DNAH8: variants seen among roughly 807,000 people sequenced by gnomAD.
The protein encoded by DNAH8 is dynein axonemal heavy chain 8.
A neutral mutation model predicts 562.1 loss-of-function variants in DNAH8; 382 were observed. The observed-to-expected ratio is 0.68, with a 90% confidence interval of 0.63 to 0.74. The LOEUF is 0.74. DNAH8 is among the 30% of genes least tolerant of loss of function. The probability of loss-of-function intolerance (pLI) is 0.00; values close to 1 mark genes in which losing one functional copy is unlikely to be tolerated. For missense variants in DNAH8, 5,203 were observed against 5,620.4 expected, an observed-to-expected ratio of 0.93 and a Z score of 2.37; for synonymous variants, 1,881 against 1,919.4, an observed-to-expected ratio of 0.98 and a Z score of 0.52.
At chr6:38,762,811 T>A (rs1414030836) in intron 11 of DNAH8, 2 of 179,408 alleles carry the variant, frequency 1.1e-5, no homozygotes, top group African/African-American at 4.8e-5. Context: ...CCACCCAGGA[T>A]GGGAACCATT....
At chr6:38,960,211 TA>T (rs1419128773) in intron 82 of DNAH8, among the ~76,000 whole-genome samples, 1 of 151,952 alleles carries the variant, frequency 6.6e-6, no homozygotes, top group African/African-American at 2.4e-5. Flanking sequence ...TCTGGGCAAA[TA>T]TTTTTTTGTG....
At chr6:38,888,774 T>C (rs1779134259) in intron 57 of DNAH8, among the ~76,000 whole-genome samples, 1 of 152,234 alleles carries the variant, frequency 6.6e-6, no homozygotes, top group Non-Finnish European at 1.5e-5. Context: ...GAGACTCTCA[T>C]TGCCTGCTGG....
At chr6:38,993,442 G>GT (rs138077994) in intron 88 of DNAH8, among the ~76,000 whole-genome samples, 60,401 of 151,786 alleles carry the variant, frequency 0.4, 12,431 homozygotes, top group Non-Finnish European at 0.45. Context: ...ACATTTAAGG[G>GT]TTTTTTTCCC....
At position 38,845,562 on chromosome 6, in the gene DNAH8, T is replaced by C. The variant is rs1198610059; in HGVS notation, c.4846-12T>C. On this transcript the variant is annotated splice_polypyrimidine_tract_variant and intron_variant, in intron 35 of 92. Coordinates refer to ENST00000327475, the MANE Select transcript of DNAH8 (RefSeq NM_001206927.2). Reference sequence around the variant, plus strand: ...AAAACATCATGACATATACTTTGCTTTTCCTTCAAAGGATATTTGCATATC... The same window carrying C: ...AAAACATCATGACATATACTTTGCTCTTCCTTCAAAGGATATTTGCATATC... 1 of 1,608,894 alleles carries C rather than the reference T, an allele frequency of 6.2e-7. No homozygotes were observed. Among genetic ancestry groups the C allele is most frequent in the Non-Finnish European group, 8.5e-7 (1 of 1,175,430 alleles).
intron 53 of DNAH8, among the ~76,000 whole-genome samples, chr6:38,881,088 C>G (rs1041227124): frequency 7.3e-5 from 11 of 151,310 alleles, no homozygotes; most frequent in Admixed American, 7.3e-4. Context: ...GGAATGTCTA[C>G]AGTTAAAAAG....
chr6:38,888,329 G>A (rs1779101359), intron 57 of DNAH8, among the ~76,000 whole-genome samples: 1 of 152,036 alleles, frequency 6.6e-6, no homozygotes, highest in Non-Finnish European at 1.5e-5. Flanking sequence ...TGACCTCTGA[G>A]TAGGAAAGGA....
At chr6:38,770,349 G>A in intron 11 of DNAH8, 64 bp from the exon 12 acceptor site, 1 of 1,136,504 alleles carries the variant, frequency 8.8e-7, no homozygotes, top group Non-Finnish European at 1.2e-6. Flanking sequence ...TAGAGTTTTT[G>A]AATTTTCGAT....
At chr6:38,748,355 G>T (rs1765133692) in intron 8 of DNAH8, among the ~76,000 whole-genome samples, 1 of 152,160 alleles carries the variant, frequency 6.6e-6, no homozygotes, top group Admixed American at 6.5e-5. Flanking sequence ...TATATTGGAT[G>T]ACAATGTAAA....
At chr6:38,786,682 A>G in intron 17 of DNAH8, 83 bp from the exon 18 acceptor site, 1 of 1,402,098 alleles carries the variant, frequency 7.1e-7, no homozygotes, top group Non-Finnish European at 9.7e-7. Flanking sequence ...TTAGTAATCC[A>G]GGGGGCAAGA....
intron 29 of DNAH8, among the ~76,000 whole-genome samples, chr6:38,826,679 A>C (rs943514769): frequency 3.3e-5 from 5 of 152,196 alleles, no homozygotes; most frequent in African/African-American, 1.2e-4. Context: ...TTGTGGAAAG[A>C]AATAATTGTC....
intron 15 of DNAH8, 151 bp downstream of exon 15, chr6:38,780,216 C>G: frequency 1.3e-6 from 1 of 745,504 alleles, no homozygotes; most frequent in Non-Finnish European, 2.2e-6. Context: ...TGGGAAGGTG[C>G]TTGACAGTGT....
chr6:38,982,713 C>G (rs999098070), intron 86 of DNAH8, among the ~76,000 whole-genome samples: 4 of 152,184 alleles, frequency 2.6e-5, no homozygotes, highest in Admixed American at 2.6e-4. Flanking sequence ...ACTCAGGGAC[C>G]ACAGTGCACT....
intron 88 of DNAH8, among the ~76,000 whole-genome samples, chr6:39,005,236 A>G (rs1700402085): frequency 6.6e-6 from 1 of 151,698 alleles, no homozygotes; most frequent in African/African-American, 2.4e-5. Context: ...AAATGGTGAA[A>G]CCCCCTCTCT....
At chr6:38,738,115 G>A in intron 7 of DNAH8, 143 bp downstream of exon 7, 1 of 677,280 alleles carries the variant, frequency 1.5e-6, no homozygotes, top group Non-Finnish European at 2.4e-6. Context: ...CCAATTTTTG[G>A]GTCTAGAGCA....
At chr6:38,747,389 T>C (rs1223151569) in intron 8 of DNAH8, among the ~76,000 whole-genome samples, 8 of 145,616 alleles carry the variant, frequency 5.5e-5, no homozygotes, top group Middle Eastern at 3.6e-3. Context: ...TTTTTCTTTT[T>C]TTTTTTTTTT....
intron 42 of DNAH8, 47 bp from the exon 43 acceptor site, chr6:38,860,410 G>A: frequency 8.9e-7 from 1 of 1,123,672 alleles, no homozygotes. Context: ...TATGTTTTAT[G>A]CTATTGCAAT....
chr6:38,951,667 A>C (rs1761916415), intron 82 of DNAH8, 147 bp downstream of exon 82: 7 of 707,322 alleles, frequency 9.9e-6, no homozygotes, highest in Non-Finnish European at 9.6e-6. Flanking sequence ...TCATCCTTTC[A>C]TACCTCCTAA....
chr6:38,751,840 A>G (rs1765484139), intron 9 of DNAH8, among the ~76,000 whole-genome samples: 1 of 152,164 alleles, frequency 6.6e-6, no homozygotes, highest in Non-Finnish European at 1.5e-5. Flanking sequence ...TTTTTCCTGG[A>G]TATTACTTCT....
intron 80 of DNAH8, among the ~76,000 whole-genome samples, chr6:38,946,322 A>G (rs757217688): frequency 1.3e-5 from 2 of 152,198 alleles, no homozygotes; most frequent in Non-Finnish European, 1.5e-5. Flanking sequence ...TCCCCTGCCC[A>G]ACATACTGTG....
Sources: gnomAD v4.1 joint callset for allele counts (sites outside exome capture counted in the v4.1 genomes callset) on GRCh38, gnomAD v4.1.1 for gene constraint, MANE v1.5 for transcripts, NCBI Gene and HGNC (gene_info 2026-07-23, HGNC 2026-07-21) for gene names.